The following TPP2 variants were observed in gnomAD, a reference collection of about 807,000 sequenced individuals.
The protein encoded by TPP2 is tripeptidyl-peptidase 2.
In TPP2, 34 loss-of-function variants were observed where a neutral mutation model predicts 155.9. The ratio of observed to expected loss-of-function variants is 0.22; its 90% confidence interval spans 0.17 to 0.29. The LOEUF (loss-of-function observed/expected upper bound fraction) is 0.29. Among genes scored for constraint, TPP2 ranks in the 10% least tolerant of loss-of-function variants. The pLI, the probability that TPP2 is intolerant of heterozygous loss-of-function variation, is 1.00. For missense variants in TPP2, 1,028 were observed against 1,522.3 expected, an observed-to-expected ratio of 0.68 and a Z score of 5.40; for synonymous variants, 510 against 529.4, an observed-to-expected ratio of 0.96 and a Z score of 0.50.
At chr13:102,671,914 A>G (rs534694054) in intron 27 of TPP2, among the ~76,000 whole-genome samples, 6 of 152,248 alleles carry the variant, frequency 3.9e-5, no homozygotes, top group South Asian at 4.1e-4. Flanking sequence ...CATTACTTTT[A>G]TATACTGTTG....
At chr13:102,611,898 T>C (rs922295385) in intron 2 of TPP2, among the ~76,000 whole-genome samples, 3 of 152,214 alleles carry the variant, frequency 2.0e-5, no homozygotes, top group African/African-American at 7.2e-5. Context: ...CTCTAATTTT[T>C]AATGCCTTCT....
intron 24 of TPP2, among the ~76,000 whole-genome samples, chr13:102,653,921 C>G (rs546441017): frequency 2.0e-5 from 3 of 152,258 alleles, no homozygotes; most frequent in South Asian, 4.1e-4. Context: ...TAACACTGTT[C>G]AGTTTGAACA....
intron 5 of TPP2, 60 bp from the exon 6 acceptor site, chr13:102,622,817 A>G (rs2139462066): frequency 1.3e-6 from 2 of 1,535,442 alleles, no homozygotes; most frequent in South Asian, 1.3e-5. Context: ...ACTATGTTAC[A>G]TGATTTTTAG....
intron 27 of TPP2, among the ~76,000 whole-genome samples, chr13:102,673,560 G>GTTA (rs1199698277): frequency 6.6e-6 from 1 of 152,156 alleles, no homozygotes; most frequent in African/African-American, 2.4e-5. Context: ...ATTGTCCTAG[G>GTTA]CACGTGGAAT....
Position 102,676,406 on chromosome 13 carries a change from T to G in TPP2, c.3690T>G (p.Asn1230Lys). 6.2e-7 allele frequency: 1 copy of G among 1,609,954 alleles called. No homozygotes were observed. Among genetic ancestry groups the G allele is most frequent in the Non-Finnish European group, 8.5e-7 (1 of 1,177,312 alleles). The part of the protein sequence containing the change: ...EEKPTKENWK[N>K]CIQLMKLLGW... ...AACCAACAAAAGAAAACTGGAAAAA[T>G]TGTATTCAAGTAAGTGATATTTAAA... is the stretch of plus-strand genomic sequence containing the variant. Residue 1230 changes from asparagine (N) to lysine (K), a missense_variant, in exon 29 of 30, where the codon AAT (asparagine) becomes AAG (lysine). Asn to Lys is a moderately conservative substitution (Grantham distance 94, BLOSUM62 0). Around this residue, in one of 7 missense-constraint regions of TPP2, gnomAD observed 41 missense variants for 78.3 expected, o/e 0.52. Coordinates refer to ENST00000376052, the MANE Select transcript of TPP2 (RefSeq NM_001330588.2).
At chr13:102,666,418 T>C (rs1306275377) in intron 27 of TPP2, among the ~76,000 whole-genome samples, 2 of 152,204 alleles carry the variant, frequency 1.3e-5, no homozygotes, top group African/African-American at 2.4e-5. Flanking sequence ...AGGGTGATCA[T>C]TGTTAATCTT....
chr13:102,645,617 A>T (rs1009188533), intron 19 of TPP2, among the ~76,000 whole-genome samples: 1 of 152,254 alleles, frequency 6.6e-6, no homozygotes, highest in African/African-American at 2.4e-5. Context: ...AGAATTATCA[A>T]TAAAAATTAA....
At chr13:102,654,380 C>G (rs1595195776) in intron 24 of TPP2, among the ~76,000 whole-genome samples, 2 of 152,106 alleles carry the variant, frequency 1.3e-5, no homozygotes, top group African/African-American at 4.8e-5. Context: ...GATAATTCAT[C>G]ATAAACTTTC....
chr13:102,647,194 T>C lies in TPP2; in HGVS notation c.2491-13T>C. On this transcript the variant is annotated splice_polypyrimidine_tract_variant and intron_variant, in intron 20 of 29. Transcript: ENST00000376052. ...GCAAATCATGCCAAGTAATCTTTTT[T>C]GTTTTTTAATAGCCCAAGAGTGGGG... is the stretch of plus-strand genomic sequence containing the variant. 1 of 1,587,226 alleles carries C rather than the reference T, an allele frequency of 6.3e-7. No homozygotes were observed. Among genetic ancestry groups the C allele is most frequent in the Non-Finnish European group, 8.6e-7 (1 of 1,166,888 alleles).
intron 1 of TPP2, among the ~76,000 whole-genome samples, 188 bp downstream of exon 1, chr13:102,597,391 CA>C (rs1208162731): frequency 6.6e-6 from 1 of 152,174 alleles, no homozygotes; most frequent in Non-Finnish European, 1.5e-5. Context: ...CAAGGGGACT[CA>C]ACGGCGCACA....
chr13:102,628,136 G>C (rs568172024), intron 8 of TPP2, among the ~76,000 whole-genome samples: 7 of 152,162 alleles, frequency 4.6e-5, no homozygotes, highest in Non-Finnish European at 8.8e-5. Flanking sequence ...CTGTGACGAT[G>C]TTAATGCTGT....
At chr13:102,650,556 A>G (rs918416394) in intron 23 of TPP2, among the ~76,000 whole-genome samples, 5 of 152,168 alleles carry the variant, frequency 3.3e-5, no homozygotes, top group African/African-American at 9.6e-5. Flanking sequence ...GCACTGATTT[A>G]AGAAACCCTG....
intron 27 of TPP2, among the ~76,000 whole-genome samples, chr13:102,670,732 G>A (rs1431348222): frequency 6.6e-6 from 1 of 152,182 alleles, no homozygotes. Context: ...CCAAGGTGGG[G>A]TGAAGCCAGT....
chr13:102,645,060 A>G, intron 19 of TPP2, 51 bp downstream of exon 19: 1 of 1,534,202 alleles, frequency 6.5e-7, no homozygotes, highest in Non-Finnish European at 8.9e-7. Context: ...GATTGGGGGG[A>G]TCTCTTACAC....
At chr13:102,673,258 C>T (rs1023428977) in intron 27 of TPP2, among the ~76,000 whole-genome samples, 2 of 152,208 alleles carry the variant, frequency 1.3e-5, no homozygotes, top group Non-Finnish European at 2.9e-5. Flanking sequence ...GTCTTTCCTA[C>T]TGCGGATCCT....
rs142623109 is a variant in TPP2, at chr13:102,647,310, G to T, written c.2594G>T (p.Arg865Ile). 4 of 1,613,848 alleles carry T rather than the reference G, an allele frequency of 2.5e-6. No individual in the cohort carries two copies. Among genetic ancestry groups the T allele is most frequent in the Non-Finnish European group, 2.5e-6 (3 of 1,179,908 alleles). Residue 865 changes from arginine (R) to isoleucine (I), a missense_variant, in exon 21 of 30, where the codon AGA (arginine) becomes ATA (isoleucine). By Grantham distance (97) the Arg-to-Ile change is moderately conservative. Around this residue, in one of 7 missense-constraint regions of TPP2, gnomAD observed 179 missense variants for 274.7 expected, o/e 0.65. Transcript: ENST00000376052. ...QLWIIFDQNK[R>I]QMGSGDAYPH... ...TGGATTATTTTTGACCAGAACAAAA[G>T]ACAGATGGGTTCAGGCGATGCCTAT...
At chr13:102,612,622 C>T (rs1298564455) in intron 2 of TPP2, among the ~76,000 whole-genome samples, 1 of 152,070 alleles carries the variant, frequency 6.6e-6, no homozygotes, top group East Asian at 1.9e-4. Context: ...GATCAGATAG[C>T]CCAGATTATA....
intron 25 of TPP2, among the ~76,000 whole-genome samples, chr13:102,657,845 A>G (rs1883960260): frequency 6.6e-6 from 1 of 152,116 alleles, no homozygotes; most frequent in Non-Finnish European, 1.5e-5. Flanking sequence ...GAGTATAATA[A>G]TTTACACTCC....
intron 10 of TPP2, among the ~76,000 whole-genome samples, chr13:102,631,104 G>A (rs1005487659): frequency 6.6e-6 from 1 of 152,202 alleles, no homozygotes; most frequent in African/African-American, 2.4e-5. Flanking sequence ...TGAACCCAAA[G>A]ATGAGCAGGT....
Sources: gnomAD v4.1 joint callset for allele counts (sites outside exome capture counted in the v4.1 genomes callset) on GRCh38, gnomAD v4.1.1 for gene constraint, gnomAD v4.1.1 regional missense constraint, MANE v1.5 for transcripts, NCBI Gene and HGNC (gene_info 2026-07-23, HGNC 2026-07-21) for gene names.